Variants in FXN observed in about 807,000 individuals in gnomAD.
FXN encodes frataxin, mitochondrial.
A neutral mutation model predicts 22.4 loss-of-function variants in FXN; 14 were observed. The ratio of observed to expected loss-of-function variants is 0.62; its 90% CI spans 0.41 to 0.98. The LOEUF is 0.98. FXN is among the 50% of genes least tolerant of loss of function. The pLI is 0.00. For missense variants in FXN, 267 were observed against 268.4 expected, an observed-to-expected ratio of 0.99 and a Z score of 0.04; for synonymous variants, 120 against 114.1, an observed-to-expected ratio of 1.05 and a Z score of -0.33.
intron 3 of FXN, among the ~76,000 whole-genome samples, chr9:69,060,214 CA>C (rs1178916714): frequency 7.2e-5 from 11 of 152,000 alleles, no homozygotes; most frequent in Admixed American, 2.0e-4. Context: ...TAAAAAAATA[CA>C]AAAAAATTAG....
chr9:69,052,531 GT>G (rs1831871893), intron 2 of FXN, among the ~76,000 whole-genome samples: 1 of 132,322 alleles, frequency 7.6e-6, no homozygotes, highest in African/African-American at 2.8e-5. Flanking sequence ...CTTCTGTGCT[GT>G]TTAAATTTTT....
intron 4 of FXN, chr9:69,071,132 G>A (rs1832266821): frequency 3.9e-6 from 2 of 516,910 alleles, no homozygotes; most frequent in Non-Finnish European, 7.7e-6. Flanking sequence ...ACCTCAGGCA[G>A]TGTGGAGGGG....
At chr9:69,061,836 T>C (rs1262883319) in intron 3 of FXN, among the ~76,000 whole-genome samples, 8 of 152,178 alleles carry the variant, frequency 5.3e-5, no homozygotes, top group Non-Finnish European at 1.0e-4. Flanking sequence ...TTCATCCATG[T>C]CCCTACAAAG....
chr9:69,035,872 G>A lies in FXN; in HGVS notation c.90G>A (p.Pro30=), dbSNP rs759307044. 9 of 1,494,002 alleles carry A rather than the reference G, an allele frequency of 6.0e-6. No individual in the cohort carries two copies. Among genetic ancestry groups the A allele is most frequent in the East Asian group, 2.7e-5 (1 of 36,424 alleles). 92.5% of individuals were successfully genotyped at this position (1,494,002 alleles called of 1,614,324 possible). Residue 30 remains proline (P), a synonymous_variant, in exon 1 of 5, where the codon CCG becomes CCA. Transcript: ENST00000484259. The stretch of plus-strand genomic sequence containing the variant: ...AGACCCTCACCCGGGTCCCGCGGCC[G>A]GCAGAGTTGGCCCCACTCTGCGGCC... ...QAQTLTRVPR[P]AELAPLCGRR...
At chr9:69,040,401 G>T (rs527424013) in intron 1 of FXN, among the ~76,000 whole-genome samples, 11 of 152,242 alleles carry the variant, frequency 7.2e-5, no homozygotes, top group Non-Finnish European at 8.8e-5. Context: ...GGGCGCGGTG[G>T]CTCACGCCTG....
intron 1 of FXN, among the ~76,000 whole-genome samples, chr9:69,041,067 G>A (rs768141633): frequency 2.0e-5 from 3 of 152,170 alleles, no homozygotes; most frequent in Non-Finnish European, 4.4e-5. Context: ...ACAAATACTT[G>A]TATCCCTGAC....
At chr9:69,040,151 T>C (rs1831630566) in intron 1 of FXN, among the ~76,000 whole-genome samples, 1 of 152,142 alleles carries the variant, frequency 6.6e-6, no homozygotes. Flanking sequence ...TAGCATGCTG[T>C]CTCTTAAATG....
intron 2 of FXN, among the ~76,000 whole-genome samples, chr9:69,051,031 C>T (rs1243312544): frequency 6.6e-6 from 1 of 152,218 alleles, no homozygotes; most frequent in Non-Finnish European, 1.5e-5. Context: ...CCGCCCGCCT[C>T]GGCCTCCCGA....
At chr9:69,042,374 G>A (rs1479764796) in intron 1 of FXN, among the ~76,000 whole-genome samples, 2 of 151,974 alleles carry the variant, frequency 1.3e-5, no homozygotes, top group African/African-American at 2.4e-5. Flanking sequence ...CCATTCTTTT[G>A]TTCAGAGCCT....
At chr9:69,055,649 A>G (rs2871220) in intron 3 of FXN, among the ~76,000 whole-genome samples, 55,408 of 151,206 alleles carry the variant, frequency 0.37, 11,007 homozygotes, top group Non-Finnish European at 0.43. Flanking sequence ...ATGTACCACA[A>G]TACAGGGCTA....
chr9:69,071,876 A>G (rs780650361), intron 4 of FXN, among the ~76,000 whole-genome samples: 7 of 152,236 alleles, frequency 4.6e-5, no homozygotes, highest in Admixed American at 6.5e-5. Context: ...AAACAAAACA[A>G]AAATGATACA....
At chr9:69,061,358 A>C (rs917719309) in intron 3 of FXN, among the ~76,000 whole-genome samples, 13 of 152,106 alleles carry the variant, frequency 8.5e-5, no homozygotes, top group Non-Finnish European at 1.5e-4. Flanking sequence ...GGCGCCGCTC[A>C]TCAGTGATGA....
At position 69,078,539 on chromosome 9, in the gene FXN, C is replaced by G. The variant is rs960024236; in HGVS notation, c.*5777C>G. The G allele has an allele frequency of 3.0e-6, 3 of 985,450 alleles. No individual in the cohort carries two copies. In the African/African-American group the frequency reaches 5.2e-5, roughly 17 times the overall value. 61.0% of individuals were successfully genotyped at this position (985,450 alleles called of 1,614,324 possible). A position where few individuals can be genotyped will look rare whatever the true frequency, so the allele number is the denominator to read the frequency against. On this transcript the variant is annotated 3_prime_UTR_variant, in exon 5 of 5. Coordinates refer to ENST00000484259, the MANE Select transcript of FXN (RefSeq NM_000144.5). ...CTGTAAAACCTAAGCAGGACCAAGG[C>G]CAAGTTTCTTAGCCTGAAAAATGTG...
chr9:69,047,387 GA>G (rs1192083069), intron 2 of FXN, among the ~76,000 whole-genome samples: 3 of 151,836 alleles, frequency 2.0e-5, no homozygotes, highest in Admixed American at 6.6e-5. Context: ...ACACGATGGA[GA>G]GGGGCAGGAT....
At chr9:69,040,396 C>T (rs950729586) in intron 1 of FXN, among the ~76,000 whole-genome samples, 7 of 152,142 alleles carry the variant, frequency 4.6e-5, no homozygotes, top group East Asian at 1.9e-4. Flanking sequence ...CTGCCGGGCG[C>T]GGTGGCTCAC....
At chr9:69,051,691 A>T (rs1214908644) in intron 2 of FXN, among the ~76,000 whole-genome samples, 1 of 152,200 alleles carries the variant, frequency 6.6e-6, no homozygotes, top group Admixed American at 6.5e-5. Flanking sequence ...AAATATATTT[A>T]CATAACCAGT....
rs763967317 is a variant in FXN, at chr9:69,076,889, G to C, written c.*4127G>C. On this transcript the variant is annotated 3_prime_UTR_variant, in exon 5 of 5. Coordinates refer to ENST00000484259, the MANE Select transcript of FXN (RefSeq NM_000144.5). ...AAATTTATGCTGTTCAAAACGACGA[G>C]TTCATGACTTTGTGTATAGAGTAAG... 171 of 985,304 alleles carry C rather than the reference G, an allele frequency of 1.7e-4. No homozygotes were observed. Among genetic ancestry groups the C allele is most frequent in the Non-Finnish European group, 2.0e-4 (165 of 829,952 alleles). 61.0% of individuals were successfully genotyped at this position (985,304 alleles called of 1,614,324 possible).
intron 3 of FXN, among the ~76,000 whole-genome samples, chr9:69,056,069 G>A (rs1831951566): frequency 6.6e-6 from 1 of 151,844 alleles, no homozygotes; most frequent in Non-Finnish European, 1.5e-5. Context: ...TTTTATTTAT[G>A]GGTCTCGCTA....
chr9:69,052,286 TG>T (rs1831867232), intron 2 of FXN, among the ~76,000 whole-genome samples: 1 of 151,992 alleles, frequency 6.6e-6, no homozygotes, highest in Admixed American at 6.6e-5. Flanking sequence ...CCCAAGTAGC[TG>T]GGAACTACAG....
Sources: allele counts gnomAD v4.1 joint callset (sites outside exome capture counted in the v4.1 genomes callset), GRCh38; gene constraint gnomAD v4.1.1; transcripts MANE v1.5; gene names NCBI Gene and HGNC (gene_info 2026-07-23, HGNC 2026-07-21).